Variants in SELP observed in about 807,000 individuals in gnomAD.
SELP encodes the protein selectin P.
SELP carries 92 observed loss-of-function variants against 104.1 expected under a neutral mutation model. That is an observed-to-expected ratio of 0.88 (90% CI 0.75 to 1.05). The LOEUF is 1.05. Among genes scored for constraint, SELP ranks in the 50% least tolerant of loss-of-function variants. SELP has a pLI of 0.00. For missense variants in SELP, 1,022 were observed against 1,017.3 expected (o/e 1.00, Z -0.06); for synonymous variants, 397 against 364.5 (o/e 1.09, Z -1.01).
intron 1 of SELP, among the ~76,000 whole-genome samples, chr1:169,626,011 C>T (rs760146580): frequency 6.6e-6 from 1 of 152,084 alleles, no homozygotes; most frequent in Non-Finnish European, 1.5e-5. Context: ...TCAGGGAAGA[C>T]CTCTTTAATG....
intron 3 of SELP, among the ~76,000 whole-genome samples, chr1:169,614,523 G>A (rs1401603196): frequency 1.3e-5 from 2 of 152,158 alleles, no homozygotes; most frequent in South Asian, 2.1e-4. Flanking sequence ...GCACTGAGAT[G>A]TTTTTATTAA....
At chr1:169,601,418 G>A (rs1661905423) in intron 10 of SELP, among the ~76,000 whole-genome samples, 1 of 152,172 alleles carries the variant, frequency 6.6e-6, no homozygotes, top group South Asian at 2.1e-4. Flanking sequence ...CACATGACTT[G>A]GAGAGAGAGC....
intron 1 of SELP, among the ~76,000 whole-genome samples, chr1:169,621,225 G>A (rs1356483568): frequency 1.3e-5 from 2 of 149,748 alleles, no homozygotes; most frequent in African/African-American, 4.9e-5. Flanking sequence ...ATGGGATGGT[G>A]TGGAGTTGTG....
chr1:169,620,143 G>A (rs1663021753), intron 1 of SELP, among the ~76,000 whole-genome samples: 1 of 152,106 alleles, frequency 6.6e-6, no homozygotes, highest in East Asian at 1.9e-4. Flanking sequence ...GGGAGGCGGA[G>A]GTTGCAGTGA....
rs112942318 is a variant in SELP at position 169,607,638 on chromosome 1, A to G, written c.1334-504T>C. 5.5e-4 allele frequency among the ~76,000 whole-genome samples: 84 copies of G among 152,334 alleles called. 1 individual carries two copies. The highest frequency in any genetic ancestry group is 6.8e-3 in the Middle Eastern group (2 of 294). ...AAAATCAGAGTAAAAATTATAATATACACCATGATCTCAAAGATGTAAAAT... is the reference window on the plus strand; with the variant it reads ...AAAATCAGAGTAAAAATTATAATATGCACCATGATCTCAAAGATGTAAAAT... On this transcript the variant is annotated intron_variant, in intron 8 of 16. Transcript: ENST00000263686.
intron 5 of SELP, among the ~76,000 whole-genome samples, chr1:169,612,723 T>A (rs1485673526): frequency 2.3e-4 from 35 of 152,098 alleles, no homozygotes; most frequent in Admixed American, 2.3e-3. Flanking sequence ...ACAATTAAAC[T>A]GACTAAGTCA....
chr1:169,624,654 C>T (rs543733037), intron 1 of SELP, among the ~76,000 whole-genome samples: 2 of 152,224 alleles, frequency 1.3e-5, no homozygotes, highest in Non-Finnish European at 1.5e-5. Flanking sequence ...GAGGCTGAGG[C>T]AGGAGAATCG....
chr1:169,615,766 T>C (rs1318597387), intron 3 of SELP, among the ~76,000 whole-genome samples: 1 of 152,188 alleles, frequency 6.6e-6, no homozygotes, highest in Non-Finnish European at 1.5e-5. Context: ...TTCATGGATA[T>C]GTTTTGCCTC....
intron 1 of SELP, among the ~76,000 whole-genome samples, chr1:169,620,949 C>CTGTGTGTG (rs57455285): frequency 0.019 from 1,435 of 76,832 alleles, 43 homozygotes; most frequent in African/African-American, 0.05. Flanking sequence ...GTGTGGGGTT[C>CTGTGTGTG]TGTGTGTGTG....
At chr1:169,628,924 GA>G (rs1663504104) in intron 1 of SELP, among the ~76,000 whole-genome samples, 1 of 152,118 alleles carries the variant, frequency 6.6e-6, no homozygotes, top group African/African-American at 2.4e-5. Context: ...CCCCAACACA[GA>G]AACCCACATT....
At chr1:169,599,899 A>G (rs978918578) in intron 10 of SELP, among the ~76,000 whole-genome samples, 6 of 152,158 alleles carry the variant, frequency 3.9e-5, no homozygotes, top group African/African-American at 1.4e-4. Context: ...CAGTGAAAAT[A>G]GACATTAGGA....
At chr1:169,621,506 G>C (rs1030979217) in intron 1 of SELP, among the ~76,000 whole-genome samples, 1 of 150,180 alleles carries the variant, frequency 6.7e-6, no homozygotes. Flanking sequence ...GGACAGTGTG[G>C]GGTTGTGTAT....
At chr1:169,609,892 T>C (rs1662420270) in intron 7 of SELP, among the ~76,000 whole-genome samples, 3 of 152,092 alleles carry the variant, frequency 2.0e-5, no homozygotes, top group Admixed American at 2.0e-4. Context: ...GCCCTTCAGG[T>C]CTCAGCTTAG....
intron 9 of SELP, among the ~76,000 whole-genome samples, chr1:169,605,629 T>C (rs992331825): frequency 6.6e-5 from 10 of 152,288 alleles, no homozygotes; most frequent in African/African-American, 2.4e-4. Flanking sequence ...GCAAATAATG[T>C]AGAACTGTCT....
chr1:169,613,758 G>T, intron 3 of SELP, 65 bp from the exon 4 acceptor site: 1 of 1,365,608 alleles, frequency 7.3e-7, no homozygotes, highest in Non-Finnish European at 1.0e-6. Context: ...CTGAATTCTC[G>T]TTTTGACCAC....
intron 16 of SELP, 138 bp from the exon 17 acceptor site, chr1:169,589,599 T>C (rs1455606304): frequency 6.6e-6 from 1 of 152,276 alleles, no homozygotes; most frequent in African/African-American, 2.4e-5. Flanking sequence ...TAAATAATTA[T>C]CATTTCCTTA....
Position 169,630,053 on chromosome 1 carries a change from C to A in SELP, c.3+19G>T, listed in dbSNP as rs758038209. On this transcript the variant is annotated intron_variant, in intron 1 of 16. Transcript: ENST00000263686. ...CAACTCACTTCAACCACTTCCCATG[C>A]AGAAAAAAATAAACTCACCATCTCC... is the stretch of plus-strand genomic sequence containing the variant. The A allele has an allele frequency of 3.1e-6, 5 of 1,614,134 alleles. No individual in the cohort carries two copies. The highest frequency in any genetic ancestry group is 4.2e-6 in the Non-Finnish European group (5 of 1,179,996).
intron 10 of SELP, among the ~76,000 whole-genome samples, chr1:169,597,908 G>C (rs1474595575): frequency 1.3e-5 from 2 of 152,142 alleles, no homozygotes; most frequent in African/African-American, 4.8e-5. Context: ...AGACTCTGCT[G>C]ATCACCACAG....
intron 4 of SELP, 74 bp from the exon 5 acceptor site, chr1:169,613,188 A>G (rs1435562399): frequency 1.4e-5 from 19 of 1,378,720 alleles, no homozygotes; most frequent in Middle Eastern, 2.6e-4. Context: ...TGAAAGCTGT[A>G]ACTATTTGTG....
Sources: allele counts gnomAD v4.1 joint callset (sites outside exome capture counted in the v4.1 genomes callset), GRCh38; gene constraint gnomAD v4.1.1; transcripts MANE v1.5; gene names NCBI Gene and HGNC (gene_info 2026-07-23, HGNC 2026-07-21).